RFWD3: variants seen among roughly 807,000 people sequenced by gnomAD.
The protein encoded by RFWD3 is ring finger and WD repeat domain 3.
RFWD3 carries 65 observed loss-of-function variants against 87.7 expected under a neutral mutation model. That is an observed-to-expected ratio of 0.74 (90% confidence interval 0.61 to 0.91). RFWD3 has a LOEUF of 0.91. Among genes scored for constraint, RFWD3 ranks in the 40% least tolerant of loss-of-function variants. RFWD3 has a pLI of 0.00. For missense variants in RFWD3, 1,078 were observed against 938.5 expected, an observed-to-expected ratio of 1.15 and a Z score of -1.94; for synonymous variants, 433 against 352.8, an observed-to-expected ratio of 1.23 and a Z score of -2.55.
chr16:74,660,901 T>G (rs1261584607), intron 2 of RFWD3, 31 bp downstream of exon 2: 1 of 1,579,502 alleles, frequency 6.3e-7, no homozygotes, highest in Admixed American at 1.8e-5. Flanking sequence ...AGTACAGCAA[T>G]GATCACAGAC....
chr16:74,647,252 A>G (rs1960222735), intron 4 of RFWD3, among the ~76,000 whole-genome samples: 1 of 152,204 alleles, frequency 6.6e-6, no homozygotes. Flanking sequence ...CAGCAGATGT[A>G]AATTACTCAT....
chr16:74,635,445 CAA>C (rs1597421074), intron 8 of RFWD3, among the ~76,000 whole-genome samples: 1 of 148,670 alleles, frequency 6.7e-6, no homozygotes. Context: ...CCAGCCTGCG[CAA>C]AAGAGTGAGA....
At chr16:74,658,301 G>C (rs560886543) in intron 2 of RFWD3, among the ~76,000 whole-genome samples, 37 of 152,328 alleles carry the variant, frequency 2.4e-4, no homozygotes, top group African/African-American at 8.9e-4. Flanking sequence ...TGATGAATGA[G>C]TGATGACCCC....
chr16:74,623,842 A>G lies in RFWD3; in HGVS notation c.*86T>C. The G allele has an allele frequency of 7.0e-7, 1 of 1,431,962 alleles. No homozygotes were observed. Among genetic ancestry groups the G allele is most frequent in the Non-Finnish European group, 9.7e-7 (1 of 1,030,410 alleles). The allele number at this position is 1,431,962 out of a possible 1,614,324, so 88.7% of individuals were successfully genotyped here. ...ATTCCCAATGTTCTAGACTGCAGACAATAAACAGGGATCTTGCTTGGGGCT... is the reference window on the plus strand; with the variant it reads ...ATTCCCAATGTTCTAGACTGCAGACGATAAACAGGGATCTTGCTTGGGGCT... On this transcript the variant is annotated 3_prime_UTR_variant, in exon 13 of 13. Transcript: ENST00000361070.
chr16:74,666,393 A>C (rs1030697256), intron 1 of RFWD3: 1 of 152,176 alleles, frequency 6.6e-6, no homozygotes, highest in Non-Finnish European at 1.5e-5. Flanking sequence ...ATCAACTTTA[A>C]AGTGATGAAG....
chr16:74,645,621 G>A (rs1960059534), intron 4 of RFWD3, among the ~76,000 whole-genome samples: 1 of 152,110 alleles, frequency 6.6e-6, no homozygotes, highest in African/African-American at 2.4e-5. Context: ...CCAAAGTGCT[G>A]GGATTATAAG....
chr16:74,626,671 A>G, intron 11 of RFWD3, 117 bp from the exon 12 acceptor site: 1 of 691,060 alleles, frequency 1.4e-6, no homozygotes, highest in Non-Finnish European at 2.5e-6. Context: ...AATGCATTAA[A>G]CCATCAAGAA....
Position 74,631,124 on chromosome 16 carries a change from T to A in RFWD3, c.1578-167A>T, listed in dbSNP as rs1025197265. On this transcript the variant is annotated intron_variant, in intron 9 of 12. Coordinates refer to ENST00000361070, the MANE Select transcript of RFWD3 (RefSeq NM_018124.4). Reference sequence around the variant, plus strand: ...TCTAGAATCTGCCCAGGTAACTCCTTTAAATTCCATAACATTTGTTTTGGG... The same window carrying A: ...TCTAGAATCTGCCCAGGTAACTCCTATAAATTCCATAACATTTGTTTTGGG... 3.3e-5 allele frequency among the ~76,000 whole-genome samples: 5 copies of A among 152,342 alleles called. No homozygotes were observed. The East Asian group carries it at 9.6e-4, about 29-fold the overall frequency.
intron 8 of RFWD3, among the ~76,000 whole-genome samples, chr16:74,633,213 G>A (rs2144086703): frequency 6.7e-6 from 1 of 149,216 alleles, no homozygotes; most frequent in Middle Eastern, 3.5e-3. Flanking sequence ...GGAGGCGGAG[G>A]TTGTAGTGAG....
chr16:74,658,013 G>A (rs1365915440), intron 2 of RFWD3, among the ~76,000 whole-genome samples: 1 of 152,132 alleles, frequency 6.6e-6, no homozygotes, highest in Non-Finnish European at 1.5e-5. Context: ...TTGCTTTTAT[G>A]TAGCAAAGAA....
At chr16:74,660,332 A>C (rs963155046) in intron 2 of RFWD3, among the ~76,000 whole-genome samples, 3 of 152,230 alleles carry the variant, frequency 2.0e-5, no homozygotes, top group Admixed American at 6.5e-5. Flanking sequence ...ACGCGCCTGT[A>C]ATGCCAGGTA....
At chr16:74,628,995 A>G (rs1174974183) in intron 10 of RFWD3, among the ~76,000 whole-genome samples, 1 of 117,446 alleles carries the variant, frequency 8.5e-6, no homozygotes, top group Non-Finnish European at 2.0e-5. Context: ...GCCACATAAG[A>G]AAAGTCAGAA....
intron 3 of RFWD3, among the ~76,000 whole-genome samples, chr16:74,649,825 C>T (rs534558667): frequency 7.6e-4 from 115 of 151,850 alleles, no homozygotes; most frequent in Non-Finnish European, 1.5e-3. Flanking sequence ...CATTTTTTTC[C>T]CCTCTGTTTG....
In RFWD3 at chr16:74,637,987, A is replaced by G. The variant is rs1959297077; in HGVS notation, c.1080-17T>C. 2 of 1,571,434 alleles carry G rather than the reference A, an allele frequency of 1.3e-6. No individual in the cohort carries two copies. The highest frequency in any genetic ancestry group is 2.7e-5 in the African/African-American group (2 of 74,148). ...AGTAGGGAACTAGAGGGGGAAAGCCAGCAACAAGTGGGGATTAGGAAGGCT... is the reference window on the plus strand; with the variant it reads ...AGTAGGGAACTAGAGGGGGAAAGCCGGCAACAAGTGGGGATTAGGAAGGCT... On this transcript the variant is annotated splice_polypyrimidine_tract_variant and intron_variant, in intron 6 of 12. Transcript: ENST00000361070.
chr16:74,632,121 T>C (rs972441786), intron 9 of RFWD3, among the ~76,000 whole-genome samples: 2 of 151,402 alleles, frequency 1.3e-5, no homozygotes, highest in African/African-American at 4.9e-5. Flanking sequence ...CTGGGCGCAG[T>C]GGCTCACGCC....
intron 4 of RFWD3, among the ~76,000 whole-genome samples, chr16:74,647,333 G>A (rs1421586270): frequency 6.6e-6 from 1 of 151,966 alleles, no homozygotes; most frequent in Non-Finnish European, 1.5e-5. Flanking sequence ...TGTTACCCAG[G>A]CTGGAGTGCA....
chr16:74,646,638 T>A (rs1960169091), intron 4 of RFWD3, among the ~76,000 whole-genome samples: 3 of 149,882 alleles, frequency 2.0e-5, no homozygotes, highest in Admixed American at 2.0e-4. Flanking sequence ...TACAAAAAAT[T>A]AGCCAGGCAT....
chr16:74,665,061 C>T (rs1477238108), intron 1 of RFWD3, among the ~76,000 whole-genome samples: 1 of 152,146 alleles, frequency 6.6e-6, no homozygotes, highest in Non-Finnish European at 1.5e-5. Flanking sequence ...GACTTGTCAT[C>T]TTTGTTACTC....
intron 6 of RFWD3, among the ~76,000 whole-genome samples, chr16:74,638,646 C>T (rs1463405348): frequency 2.6e-5 from 4 of 152,202 alleles, no homozygotes; most frequent in African/African-American, 9.6e-5. Flanking sequence ...AAGAGAACCC[C>T]CAAAACAATT....
Sources: allele counts gnomAD v4.1 joint callset (sites outside exome capture counted in the v4.1 genomes callset), GRCh38; gene constraint gnomAD v4.1.1; transcripts MANE v1.5; gene names NCBI Gene and HGNC (gene_info 2026-07-23, HGNC 2026-07-21).